Variants in ADAMTS16 observed in about 807,000 individuals in gnomAD.
ADAMTS16 encodes A disintegrin and metalloproteinase with thrombospondin motifs 16.
Under a neutral mutation model 145.8 loss-of-function variants are expected in ADAMTS16, and 94 were observed. The ratio of observed to expected loss-of-function variants is 0.64; its 90% CI spans 0.55 to 0.77. The LOEUF (loss-of-function observed/expected upper bound fraction) is 0.77. Ranked by LOEUF, ADAMTS16 falls within the 30% of genes least tolerant of loss-of-function variation. The pLI, the probability that ADAMTS16 is intolerant of heterozygous loss-of-function variation, is 0.00. For missense variants in ADAMTS16, 1,585 were observed against 1,591.5 expected (o/e 1.00, Z 0.07); for synonymous variants, 659 against 604.3 (o/e 1.09, Z -1.33).
At chr5:5,191,126 G>A (rs769477823) in intron 7 of ADAMTS16, among the ~76,000 whole-genome samples, 3 of 152,180 alleles carry the variant, frequency 2.0e-5, no homozygotes, top group Non-Finnish European at 4.4e-5. Context: ...ACCCTTAGAC[G>A]TGTGTGCCTG....
At chr5:5,237,592 T>C (rs1405284310) in intron 14 of ADAMTS16, among the ~76,000 whole-genome samples, 1 of 152,154 alleles carries the variant, frequency 6.6e-6, no homozygotes, top group African/African-American at 2.4e-5. Context: ...ATTTTTATCC[T>C]GTGTCCATGT....
intron 3 of ADAMTS16, 109 bp downstream of exon 3, chr5:5,146,564 A>G: frequency 8.6e-7 from 1 of 1,166,868 alleles, no homozygotes; most frequent in Non-Finnish European, 1.2e-6. Context: ...CTAGTACTGC[A>G]GCGCAGATTA....
At chr5:5,170,316 T>C (rs572584530) in intron 3 of ADAMTS16, among the ~76,000 whole-genome samples, 1 of 152,308 alleles carries the variant, frequency 6.6e-6, no homozygotes, top group East Asian at 1.9e-4. Context: ...TTGCCATTTG[T>C]ATGTCTTCTC....
chr5:5,232,571 C>T, intron 12 of ADAMTS16, 55 bp downstream of exon 12: 1 of 1,572,470 alleles, frequency 6.4e-7, no homozygotes, highest in Non-Finnish European at 8.6e-7. Context: ...TGCCATGAAC[C>T]CTCCAAGCAG....
Position 5,235,024 on chromosome 5 carries a change from G to A in ADAMTS16, c.1861G>A (p.Gly621Arg), listed in dbSNP as rs766567318. Residue 621 changes from glycine to arginine, a missense_variant, in exon 13 of 23, where the codon GGA becomes AGA. Gly to Arg is a moderately radical substitution (Grantham distance 125). Coordinates refer to ENST00000274181, the MANE Select transcript of ADAMTS16 (RefSeq NM_139056.4). ...RLCTNPKPSH[G>R]GKFCEGSTRT... ...AAATACACATTCCAGGCCATCGCAT[G>A]GAGGGAAGTTCTGTGAGGGCTCCAC... 1 of 1,574,128 alleles carries A rather than the reference G, an allele frequency of 6.4e-7. No individual in the cohort carries two copies. Among genetic ancestry groups the A allele is most frequent in the East Asian group, 2.3e-5 (1 of 43,906 alleles).
chr5:5,246,968 G>A (rs190761981), intron 17 of ADAMTS16, among the ~76,000 whole-genome samples: 1 of 152,304 alleles, frequency 6.6e-6, no homozygotes, highest in Admixed American at 6.5e-5. Flanking sequence ...CCAGGCCTGT[G>A]GGCAGGAAGA....
intron 18 of ADAMTS16, among the ~76,000 whole-genome samples, chr5:5,296,853 C>T (rs894830633): frequency 2.6e-5 from 4 of 152,160 alleles, no homozygotes; most frequent in African/African-American, 9.7e-5. Context: ...GGTTGCCTAC[C>T]CGTGTGTTAC....
At chr5:5,254,388 A>ACTT (rs1737718778) in intron 17 of ADAMTS16, among the ~76,000 whole-genome samples, 1 of 152,144 alleles carries the variant, frequency 6.6e-6, no homozygotes. Context: ...AATAATTTTA[A>ACTT]CTTATAATAA....
chr5:5,261,846 A>G (rs944248244), intron 17 of ADAMTS16, among the ~76,000 whole-genome samples: 1 of 152,204 alleles, frequency 6.6e-6, no homozygotes, highest in Admixed American at 6.5e-5. Context: ...ACATTGATGT[A>G]CAATCATCAC....
chr5:5,292,077 C>G (rs10054842), intron 18 of ADAMTS16, among the ~76,000 whole-genome samples: 20,458 of 152,140 alleles, frequency 0.13, 1,452 homozygotes, highest in African/African-American at 0.17. Context: ...AAATGAGGCT[C>G]TGGTCATAGT....
At chr5:5,198,699 A>T (rs918817640) in intron 8 of ADAMTS16, among the ~76,000 whole-genome samples, 7 of 152,224 alleles carry the variant, frequency 4.6e-5, no homozygotes, top group Non-Finnish European at 8.8e-5. Flanking sequence ...TACTATATTT[A>T]CTAGTAATAT....
chr5:5,227,979 C>T (rs558187211), intron 11 of ADAMTS16, among the ~76,000 whole-genome samples: 11 of 152,080 alleles, frequency 7.2e-5, no homozygotes, highest in African/African-American at 2.4e-4. Flanking sequence ...TAAGTGGAAA[C>T]GTAGGATGGA....
intron 11 of ADAMTS16, among the ~76,000 whole-genome samples, chr5:5,231,290 G>T (rs995876948): frequency 1.3e-5 from 2 of 152,194 alleles, no homozygotes; most frequent in South Asian, 2.1e-4. Flanking sequence ...AAATGGAATT[G>T]TTCTTACTTA....
intron 2 of ADAMTS16, among the ~76,000 whole-genome samples, chr5:5,145,081 C>T (rs574706523): frequency 7.2e-5 from 11 of 152,232 alleles, no homozygotes; most frequent in East Asian, 3.9e-4. Context: ...TGCCTGAACG[C>T]GGAGATTATG....
chr5:5,231,773 A>C (rs1328568181), intron 11 of ADAMTS16, among the ~76,000 whole-genome samples: 2 of 152,236 alleles, frequency 1.3e-5, no homozygotes, highest in African/African-American at 4.8e-5. Context: ...AAGAGATAGC[A>C]TCTCCAGCCT....
intron 17 of ADAMTS16, among the ~76,000 whole-genome samples, chr5:5,246,921 G>A (rs938944721): frequency 3.1e-4 from 47 of 152,180 alleles, no homozygotes; most frequent in Non-Finnish European, 2.4e-4. Flanking sequence ...GATAGACTGC[G>A]TTGTGTTCCA....
chr5:5,171,427 TTGTGCTGAGG>T lies in ADAMTS16; in HGVS notation c.502-10615_502-10606del, dbSNP rs1236288210. Among the ~76,000 whole-genome samples the T allele has an allele frequency of 5.9e-5, 9 of 152,300 alleles. No individual in the cohort carries two copies. In the South Asian group the frequency reaches 1.2e-3, roughly 21 times the overall value. ...GTGGGTCTGCTGTATATGGCTTTTA[TTGTGCTGAGG>T]TATGTTCCTTCTATACCCAGTGTTT... On this transcript the variant is annotated intron_variant, in intron 3 of 22. Transcript: ENST00000274181.
chr5:5,221,791 G>T (rs1270500219), intron 10 of ADAMTS16, among the ~76,000 whole-genome samples: 1 of 152,136 alleles, frequency 6.6e-6, no homozygotes, highest in Non-Finnish European at 1.5e-5. Flanking sequence ...CTTTAACATG[G>T]TGGAAATATG....
intron 21 of ADAMTS16, among the ~76,000 whole-genome samples, chr5:5,315,139 C>T (rs895370049): frequency 3.3e-5 from 5 of 152,134 alleles, no homozygotes; most frequent in East Asian, 1.9e-4. Flanking sequence ...CTTCACATGA[C>T]GGCAGCAAGG....
Sources: allele counts gnomAD v4.1 joint callset (sites outside exome capture counted in the v4.1 genomes callset), GRCh38; gene constraint gnomAD v4.1.1; transcripts MANE v1.5; gene names NCBI Gene and HGNC (gene_info 2026-07-23, HGNC 2026-07-21).